The following GRB14 variants were observed in gnomAD, a reference collection of about 807,000 sequenced individuals.
The protein encoded by GRB14 is growth factor receptor bound protein 14, also known as growth factor receptor-bound protein 14.
Under a neutral mutation model 69.1 loss-of-function variants are expected in GRB14, and 38 were observed. The observed-to-expected ratio is 0.55, with a 90% CI of 0.42 to 0.72. The LOEUF (loss-of-function observed/expected upper bound fraction) is 0.72. Among genes scored for constraint, GRB14 ranks in the 30% least tolerant of loss-of-function variants. The pLI is 0.00. For synonymous variants in GRB14, 247 were observed against 241.3 expected (o/e 1.02, Z -0.22); for missense variants, 666 against 666.1 (o/e 1.00, Z 0.00).
chr2:164,510,425 G>A (rs966459274), intron 6 of GRB14, among the ~76,000 whole-genome samples: 2 of 152,114 alleles, frequency 1.3e-5, no homozygotes, highest in African/African-American at 2.4e-5. Context: ...GGAGAGAAGC[G>A]TACTTAGAGA....
At chr2:164,584,751 C>T (rs1689494355) in intron 2 of GRB14, among the ~76,000 whole-genome samples, 1 of 152,068 alleles carries the variant, frequency 6.6e-6, no homozygotes, top group Admixed American at 6.6e-5. Context: ...TCACACATAA[C>T]AAACCACCAT....
intron 2 of GRB14, among the ~76,000 whole-genome samples, chr2:164,594,758 T>C (rs944719809): frequency 2.0e-5 from 3 of 152,218 alleles, no homozygotes; most frequent in Non-Finnish European, 2.9e-5. Context: ...ATAAGTATCG[T>C]GTACACATTT....
intron 6 of GRB14, among the ~76,000 whole-genome samples, chr2:164,519,200 T>C (rs1255564671): frequency 6.6e-6 from 1 of 152,134 alleles, no homozygotes; most frequent in East Asian, 1.9e-4. Flanking sequence ...ATATCAGAGA[T>C]GGAGGGATAA....
intron 6 of GRB14, among the ~76,000 whole-genome samples, chr2:164,511,579 C>T (rs1486675662): frequency 6.6e-6 from 1 of 152,108 alleles, no homozygotes; most frequent in Non-Finnish European, 1.5e-5. Flanking sequence ...ACTAAGAGAT[C>T]TTGGGCCCTG....
intron 2 of GRB14, among the ~76,000 whole-genome samples, chr2:164,617,929 T>C (rs934926114): frequency 3.1e-5 from 4 of 127,328 alleles, no homozygotes; most frequent in Non-Finnish European, 4.8e-5. Flanking sequence ...TTTCTTACTC[T>C]GGCTCAAGGA....
chr2:164,509,804 A>AC (rs1040906057), intron 6 of GRB14, among the ~76,000 whole-genome samples: 6 of 151,150 alleles, frequency 4.0e-5, no homozygotes, highest in African/African-American at 1.2e-4. Context: ...AAAAAAAAAA[A>AC]AAAAAAAAAC....
intron 2 of GRB14, among the ~76,000 whole-genome samples, chr2:164,557,040 C>T (rs1688696390): frequency 6.6e-6 from 1 of 152,098 alleles, no homozygotes; most frequent in African/African-American, 2.4e-5. Context: ...TTTCATGAAA[C>T]TTATGGACTG....
intron 2 of GRB14, among the ~76,000 whole-genome samples, chr2:164,563,824 CTAAGATCTAGTTG>C (rs1243966003): frequency 1.3e-5 from 2 of 152,078 alleles, no homozygotes; most frequent in African/African-American, 2.4e-5. Flanking sequence ...CTTTAAAATA[CTAAGATCTAGTTG>C]TAAGACCAAA....
chr2:164,600,325 T>C (rs1347416186), intron 2 of GRB14, among the ~76,000 whole-genome samples: 1 of 152,186 alleles, frequency 6.6e-6, no homozygotes, highest in Admixed American at 6.5e-5. Flanking sequence ...TTCTAATACC[T>C]TTGAGATGAA....
chr2:164,510,011 A>G (rs1687298833), intron 6 of GRB14, among the ~76,000 whole-genome samples: 1 of 152,192 alleles, frequency 6.6e-6, no homozygotes, highest in African/African-American at 2.4e-5. Context: ...AGAATAAGAC[A>G]GGAAAGAAAA....
rs944615607 is a variant in GRB14, at chr2:164,522,325, C to G, written c.679-208G>C. The stretch of plus-strand genomic sequence containing the variant: ...CTCTCTCCTCTGTCTCTCTTTCTAT[C>G]TCCGTGTGTGTATACACACACACAT... On this transcript the variant is annotated intron_variant, in intron 5 of 13. Coordinates refer to ENST00000263915, the MANE Select transcript of GRB14 (RefSeq NM_004490.3). Among the ~76,000 whole-genome samples, 2 of 151,946 alleles carry G rather than the reference C, an allele frequency of 1.3e-5. 1 individual carries two copies. The highest frequency in any genetic ancestry group is 2.9e-5 in the Non-Finnish European group (2 of 67,952).
chr2:164,584,293 C>T (rs1436944846), intron 2 of GRB14, among the ~76,000 whole-genome samples: 1 of 151,576 alleles, frequency 6.6e-6, no homozygotes, highest in East Asian at 1.9e-4. Flanking sequence ...GCGTGAACCA[C>T]CGCACCAGGC....
intron 2 of GRB14, among the ~76,000 whole-genome samples, chr2:164,556,173 T>C (rs2105318046): frequency 6.6e-6 from 1 of 152,298 alleles, no homozygotes; most frequent in Middle Eastern, 3.4e-3. Flanking sequence ...AATTGTGTTT[T>C]TAAAATTTTG....
At chr2:164,548,166 C>T (rs886517921) in intron 2 of GRB14, among the ~76,000 whole-genome samples, 1 of 152,176 alleles carries the variant, frequency 6.6e-6, no homozygotes, top group African/African-American at 2.4e-5. Context: ...TCCCTCCACC[C>T]CACCACTGTC....
At chr2:164,595,737 G>A (rs576711852) in intron 2 of GRB14, among the ~76,000 whole-genome samples, 30 of 152,302 alleles carry the variant, frequency 2.0e-4, no homozygotes, top group African/African-American at 6.7e-4. Flanking sequence ...AGCAATAACA[G>A]AAGAAGAAGA....
chr2:164,542,989 TA>T (rs1460749621), intron 3 of GRB14, among the ~76,000 whole-genome samples: 1 of 152,052 alleles, frequency 6.6e-6, no homozygotes, highest in African/African-American at 2.4e-5. Context: ...GTGGACTGGA[TA>T]AAGAAAATGC....
At chr2:164,588,459 C>A (rs1165206292) in intron 2 of GRB14, among the ~76,000 whole-genome samples, 1 of 151,954 alleles carries the variant, frequency 6.6e-6, no homozygotes. Flanking sequence ...GCAGAAACAT[C>A]GAGAAAGCAA....
chr2:164,570,217 C>T (rs1689093724), intron 2 of GRB14, among the ~76,000 whole-genome samples: 1 of 138,834 alleles, frequency 7.2e-6, no homozygotes, highest in Non-Finnish European at 1.5e-5. Context: ...GTGGAGGTTG[C>T]AGTGAGCCGA....
At chr2:164,614,177 T>C (rs1690230816) in intron 2 of GRB14, among the ~76,000 whole-genome samples, 1 of 152,236 alleles carries the variant, frequency 6.6e-6, no homozygotes, top group Non-Finnish European at 1.5e-5. Context: ...ATTATATTCA[T>C]CAAGTGACAG....
Sources: gnomAD v4.1 joint callset for allele counts (sites outside exome capture counted in the v4.1 genomes callset) on GRCh38, gnomAD v4.1.1 for gene constraint, MANE v1.5 for transcripts, NCBI Gene and HGNC (gene_info 2026-07-23, HGNC 2026-07-21) for gene names.